Variants in RBFOX3 observed in about 807,000 individuals in gnomAD.
RBFOX3 encodes RNA binding fox-1 homolog 3.
In RBFOX3, 17 loss-of-function variants were observed where a neutral mutation model predicts 48.7. The ratio of observed to expected loss-of-function variants is 0.35; its 90% CI spans 0.24 to 0.52. RBFOX3 has a LOEUF of 0.52. Among genes scored for constraint, RBFOX3 ranks in the 20% least tolerant of loss-of-function variants. RBFOX3 has a pLI of 0.94. For synonymous variants in RBFOX3, 212 were observed against 209.5 expected, an observed-to-expected ratio of 1.01 and a Z score of -0.10; for missense variants, 382 against 497.5, an observed-to-expected ratio of 0.77 and a Z score of 2.21.
At chr17:79,458,596 T>TA (rs35373564) in intron 2 of RBFOX3, among the ~76,000 whole-genome samples, 14 of 148,506 alleles carry the variant, frequency 9.4e-5, no homozygotes, top group East Asian at 2.0e-4. Context: ...TTTATTTAAT[T>TA]AAAAAAAAAA....
chr17:79,217,822 G>C (rs139494410), intron 4 of RBFOX3, among the ~76,000 whole-genome samples: 2 of 152,142 alleles, frequency 1.3e-5, no homozygotes, highest in Non-Finnish European at 2.9e-5. Flanking sequence ...AGGAGAACAC[G>C]GCAGATGTTC....
intron 1 of RBFOX3, among the ~76,000 whole-genome samples, chr17:79,591,236 CT>C (rs1336832746): frequency 1.3e-4 from 20 of 152,332 alleles, no homozygotes; most frequent in East Asian, 5.8e-4. Flanking sequence ...TGTGTCCCCC[CT>C]GGCACAGGTG....
At chr17:79,105,946 G>C (rs1162482649) in intron 6 of RBFOX3, among the ~76,000 whole-genome samples, 1 of 152,206 alleles carries the variant, frequency 6.6e-6, no homozygotes, top group African/African-American at 2.4e-5. Context: ...ATCAACACCT[G>C]CCTGGCGCAT....
chr17:79,099,456 C>T (rs1199770589), intron 9 of RBFOX3: 1 of 152,220 alleles, frequency 6.6e-6, no homozygotes, highest in African/African-American at 2.4e-5. Flanking sequence ...CTGGGAAGAC[C>T]TCCAGTCCGA....
intron 4 of RBFOX3, among the ~76,000 whole-genome samples, chr17:79,207,184 G>A (rs371724508): frequency 4.6e-5 from 7 of 152,236 alleles, no homozygotes; most frequent in African/African-American, 4.8e-5. Context: ...GTTGTTTTAC[G>A]ATTCAGAAAA....
intron 4 of RBFOX3, among the ~76,000 whole-genome samples, chr17:79,139,662 G>C (rs1001679488): frequency 2.6e-5 from 4 of 152,178 alleles, no homozygotes; most frequent in Non-Finnish European, 5.9e-5. Context: ...TGCAGTGGGG[G>C]ACCAATGGGA....
chr17:79,491,416 G>A (rs201978962), intron 1 of RBFOX3, among the ~76,000 whole-genome samples: 120 of 152,068 alleles, frequency 7.9e-4, no homozygotes, highest in Non-Finnish European at 1.4e-3. Context: ...TCGGAAGCAC[G>A]CTCTGGTGCC....
intron 2 of RBFOX3, among the ~76,000 whole-genome samples, chr17:79,347,252 C>T (rs776297268): frequency 1.3e-5 from 2 of 152,124 alleles, no homozygotes; most frequent in East Asian, 1.9e-4. Context: ...GTGATCTCTT[C>T]CTGTCTGGAA....
chr17:79,381,706 G>A (rs2059950922), intron 2 of RBFOX3, among the ~76,000 whole-genome samples: 2 of 152,242 alleles, frequency 1.3e-5, no homozygotes, highest in Non-Finnish European at 2.9e-5. Context: ...TCTCCTGCTA[G>A]GGGAATCACC....
intron 2 of RBFOX3, among the ~76,000 whole-genome samples, chr17:79,357,885 GT>G (rs373892322): frequency 0.013 from 1,942 of 148,170 alleles, 29 homozygotes; most frequent in Non-Finnish European, 0.019. Context: ...GTAAATTGAA[GT>G]TTTTTTTTTA....
At chr17:79,143,082 G>A (rs114486529) in intron 4 of RBFOX3, among the ~76,000 whole-genome samples, 3 of 152,188 alleles carry the variant, frequency 2.0e-5, no homozygotes, top group Non-Finnish European at 4.4e-5. Flanking sequence ...ACTCACAGCA[G>A]GCTGCAAGGG....
chr17:79,106,574 A>G lies in RBFOX3; in HGVS notation c.360+77T>C. ...ACCCGGGGGAACAGGTGTCGGCAGG[A>G]AGGCAGGGCCTGTGGGCGCCACCCT... On this transcript the variant is annotated intron_variant, in intron 6 of 14. Coordinates refer to ENST00000693108, the MANE Select transcript of RBFOX3 (RefSeq NM_001350451.2). 4.3e-6 allele frequency: 6 copies of G among 1,383,452 alleles called. No homozygotes were observed. The South Asian group carries it at 1.0e-4, about 24-fold the overall frequency. The allele number at this position is 1,383,452 out of a possible 1,614,324, so 85.7% of individuals were successfully genotyped here.
intron 4 of RBFOX3, among the ~76,000 whole-genome samples, chr17:79,149,729 C>T (rs1322402719): frequency 1.3e-5 from 2 of 151,088 alleles, no homozygotes; most frequent in Admixed American, 6.6e-5. Context: ...CCTGGGATGT[C>T]GAGTGGGGTC....
chr17:79,183,033 A>G (rs2052475041), intron 4 of RBFOX3, among the ~76,000 whole-genome samples: 2 of 149,236 alleles, frequency 1.3e-5, no homozygotes, highest in African/African-American at 4.9e-5. Flanking sequence ...CGACGCCCCA[A>G]ACTCCGGCCC....
chr17:79,119,615 C>G (rs1215473619), intron 4 of RBFOX3, among the ~76,000 whole-genome samples: 2 of 152,150 alleles, frequency 1.3e-5, no homozygotes, highest in Admixed American at 1.3e-4. Context: ...ACCAGGTGGT[C>G]CTGGTGACTG....
At position 79,418,640 on chromosome 17, in the gene RBFOX3, CAGACTA is replaced by C. The variant is rs1330814726; in HGVS notation, c.-175+63808_-175+63813del. Among the ~76,000 whole-genome samples, 1 of 152,184 alleles carries C rather than the reference CAGACTA, an allele frequency of 6.6e-6. No individual in the cohort carries two copies. The highest frequency in any genetic ancestry group is 1.5e-5 in the Non-Finnish European group (1 of 68,024). On this transcript the variant is annotated intron_variant, in intron 2 of 14. Coordinates refer to ENST00000693108, the MANE Select transcript of RBFOX3 (RefSeq NM_001350451.2). This position sits in a 1 kb window ranked among gnomAD's most constrained non-coding sequence, Gnocchi z 5.0. ...GGTCTGGGAGAAAATCAGGAAGTGG[CAGACTA>C]AGACCAAGACAGAGAGGGATGGATG...
the RBFOX3 span, among the ~76,000 whole-genome samples, chr17:79,627,414 G>A: frequency 2.0e-5 from 3 of 152,204 alleles, no homozygotes; most frequent in African/African-American, 7.2e-5. Flanking sequence ...TGTGCCGAGG[G>A]CCTGGGAGCC....
intron 4 of RBFOX3, among the ~76,000 whole-genome samples, chr17:79,122,222 G>C (rs989425256): frequency 2.6e-5 from 4 of 152,096 alleles, no homozygotes; most frequent in Non-Finnish European, 4.4e-5. Flanking sequence ...CACCTTGGTC[G>C]GGCCGCCATC....
the RBFOX3 span, among the ~76,000 whole-genome samples, chr17:79,652,732 C>A: frequency 6.7e-6 from 1 of 150,276 alleles, no homozygotes; most frequent in Admixed American, 6.6e-5. Context: ...GGTAATGAAG[C>A]CAGGAGTTCC....
Sources: allele counts gnomAD v4.1 joint callset (sites outside exome capture counted in the v4.1 genomes callset), GRCh38; gene constraint gnomAD v4.1.1; non-coding constraint Gnocchi (gnomAD v3.1); transcripts MANE v1.5; gene names NCBI Gene and HGNC (gene_info 2026-07-23, HGNC 2026-07-21).